ZDHHC2: variants seen among roughly 807,000 people sequenced by gnomAD.
ZDHHC2 encodes zDHHC palmitoyltransferase 2.
A neutral mutation model predicts 55.6 loss-of-function variants in ZDHHC2; 51 were observed. That is an observed-to-expected ratio of 0.92 (90% confidence interval 0.73 to 1.16). The LOEUF is 1.16. Ranked by LOEUF, ZDHHC2 falls within the 50% of genes most tolerant of loss-of-function variation. The pLI, the probability that ZDHHC2 is intolerant of heterozygous loss-of-function variation, is 0.00. For missense variants in ZDHHC2, 491 were observed against 442.4 expected (o/e 1.11, Z -0.99); for synonymous variants, 199 against 152.9 (o/e 1.30, Z -2.22).
chr8:17,209,593 A>T (rs1408869424), intron 8 of ZDHHC2, among the ~76,000 whole-genome samples: 1 of 152,088 alleles, frequency 6.6e-6, no homozygotes, highest in Non-Finnish European at 1.5e-5. Flanking sequence ...TTGTAGATCT[A>T]TGTTTATGGA....
chr8:17,203,532 C>T (rs1806920288), intron 6 of ZDHHC2, among the ~76,000 whole-genome samples: 2 of 152,094 alleles, frequency 1.3e-5, no homozygotes, highest in Non-Finnish European at 2.9e-5. Context: ...CCACGCCCAC[C>T]CATATTGTCC....
intron 1 of ZDHHC2, among the ~76,000 whole-genome samples, chr8:17,178,343 C>G (rs1805256330): frequency 6.6e-6 from 1 of 152,008 alleles, no homozygotes; most frequent in Non-Finnish European, 1.5e-5. Flanking sequence ...TCATTCTAGA[C>G]TAAATTAATA....
chr8:17,214,262 C>G (rs1807532445), intron 10 of ZDHHC2, among the ~76,000 whole-genome samples: 1 of 152,118 alleles, frequency 6.6e-6, no homozygotes, highest in South Asian at 2.1e-4. Flanking sequence ...GAAAATTCTT[C>G]TTAGAAGACT....
chr8:17,214,726 T>G (rs947569624), intron 10 of ZDHHC2, among the ~76,000 whole-genome samples: 1 of 151,920 alleles, frequency 6.6e-6, no homozygotes, highest in East Asian at 1.9e-4. Context: ...CTGGGCAACA[T>G]AGAGAGTCCA....
intron 3 of ZDHHC2, among the ~76,000 whole-genome samples, chr8:17,187,875 A>C (rs1312597841): frequency 6.6e-6 from 1 of 152,104 alleles, no homozygotes; most frequent in Non-Finnish European, 1.5e-5. Flanking sequence ...CCAACATCTC[A>C]AATACAAAAC....
intron 6 of ZDHHC2, 128 bp from the exon 7 acceptor site, chr8:17,205,527 C>T: frequency 1.8e-6 from 2 of 1,103,276 alleles, no homozygotes; most frequent in Non-Finnish European, 1.2e-6. Context: ...ATAAAGAAAT[C>T]TTATGAGTTA....
intron 3 of ZDHHC2, among the ~76,000 whole-genome samples, chr8:17,193,240 G>A (rs933454543): frequency 4.0e-4 from 61 of 152,324 alleles, no homozygotes; most frequent in African/African-American, 1.4e-3. Context: ...ATCTGCATTA[G>A]GAGATACCCC....
intron 6 of ZDHHC2, 52 bp from the exon 7 acceptor site, chr8:17,205,603 A>G: frequency 1.3e-6 from 2 of 1,529,898 alleles, no homozygotes; most frequent in Admixed American, 4.5e-5. Flanking sequence ...GCATATGCAC[A>G]TGTAGGTTGA....
intron 6 of ZDHHC2, among the ~76,000 whole-genome samples, chr8:17,204,036 G>A (rs1273135875): frequency 6.6e-6 from 1 of 151,602 alleles, no homozygotes; most frequent in Non-Finnish European, 1.5e-5. Flanking sequence ...TTGATCTCTT[G>A]ACCTTGTGGT....
intron 6 of ZDHHC2, 53 bp downstream of exon 6, chr8:17,198,466 A>G (rs575731254): frequency 6.7e-7 from 1 of 1,500,434 alleles, no homozygotes; most frequent in Admixed American, 2.0e-5. Context: ...ATGTTAATAA[A>G]TTAAATCACT....
At chr8:17,160,410 G>T (rs368019858) in intron 1 of ZDHHC2, among the ~76,000 whole-genome samples, 14 of 152,166 alleles carry the variant, frequency 9.2e-5, no homozygotes, top group Non-Finnish European at 1.8e-4. Flanking sequence ...CATTTTAAAC[G>T]ATCATGAATT....
rs1448735188 is a variant in ZDHHC2, at chr8:17,210,422, G to A, written c.892G>A (p.Val298Ile). The change falls in exon 10 of 13, where the codon GTT becomes ATT. Residue 298 changes from valine (V) to isoleucine (I), a missense_variant. Transcript: ENST00000262096. ...GDGCSFPTCLVNQDPEQASTP... is the reference protein window; with the variant it reads ...GDGCSFPTCLINQDPEQASTP... ...TGGCTGCTCCTTTCCAACTTGCCTT[G>A]TTAACCAGGATCCTGAACAAGCATC... is the stretch of plus-strand genomic sequence containing the variant. 6.2e-7 allele frequency: 1 copy of A among 1,613,188 alleles called. No homozygotes were observed. The highest frequency in any genetic ancestry group is 1.7e-5 in the Admixed American group (1 of 59,880).
intron 1 of ZDHHC2, chr8:17,162,663 C>G (rs1461086838): frequency 6.6e-6 from 1 of 151,984 alleles, no homozygotes; most frequent in East Asian, 1.9e-4. Context: ...TTCCTAGTAG[C>G]CAAGAAAAAA....
At chr8:17,201,390 GC>G (rs1298968998) in intron 6 of ZDHHC2, among the ~76,000 whole-genome samples, 1 of 150,012 alleles carries the variant, frequency 6.7e-6, no homozygotes, top group African/African-American at 2.4e-5. Context: ...TTTTCTACAG[GC>G]TTTGTGTGAA....
At chr8:17,162,670 A>G (rs1387213321) in intron 1 of ZDHHC2, 2 of 152,202 alleles carry the variant, frequency 1.3e-5, no homozygotes, top group Non-Finnish European at 2.9e-5. Context: ...TAGCCAAGAA[A>G]AAAAACAGCC....
At chr8:17,190,441 C>G (rs1236897714) in intron 3 of ZDHHC2, among the ~76,000 whole-genome samples, 1 of 152,096 alleles carries the variant, frequency 6.6e-6, no homozygotes, top group African/African-American at 2.4e-5. Flanking sequence ...AACGCAAGGT[C>G]TTGGGCTATT....
intron 1 of ZDHHC2, among the ~76,000 whole-genome samples, chr8:17,174,425 C>T (rs1286338209): frequency 1.3e-5 from 2 of 152,088 alleles, no homozygotes; most frequent in Admixed American, 6.6e-5. Context: ...TCTCATAGCC[C>T]AGCAGGTAAG....
chr8:17,177,946 A>G (rs139163083), intron 1 of ZDHHC2, among the ~76,000 whole-genome samples: 1 of 152,312 alleles, frequency 6.6e-6, no homozygotes, highest in Non-Finnish European at 1.5e-5. Context: ...GAAAATTCAG[A>G]TTAAGAAAAT....
intron 3 of ZDHHC2, among the ~76,000 whole-genome samples, chr8:17,190,740 T>C (rs571112271): frequency 1.3e-5 from 2 of 152,096 alleles, no homozygotes; most frequent in African/African-American, 2.4e-5. Context: ...CTAATAGATA[T>C]ATATATTTAT....
Sources: gnomAD v4.1 joint callset for allele counts (sites outside exome capture counted in the v4.1 genomes callset) on GRCh38, gnomAD v4.1.1 for gene constraint, MANE v1.5 for transcripts, NCBI Gene and HGNC (gene_info 2026-07-23, HGNC 2026-07-21) for gene names.